The following NCKAP5L variants were observed in gnomAD, a reference collection of about 807,000 sequenced individuals.
The protein encoded by NCKAP5L is NCK associated protein 5 like.
Under a neutral mutation model 103.2 loss-of-function variants are expected in NCKAP5L, and 54 were observed. The ratio of observed to expected loss-of-function variants is 0.52; its 90% confidence interval spans 0.42 to 0.66. NCKAP5L has a LOEUF of 0.66. NCKAP5L is among the 30% of genes least tolerant of loss of function. The pLI is 0.00. For missense variants in NCKAP5L, 1,733 were observed against 1,750.6 expected, an observed-to-expected ratio of 0.99 and a Z score of 0.18; for synonymous variants, 762 against 748.6, an observed-to-expected ratio of 1.02 and a Z score of -0.29.
chr12:49,795,205 C>A lies in NCKAP5L; in HGVS notation c.2655G>T (p.Glu885Asp). The change falls in exon 8 of 13, where the codon GAG becomes GAT. Residue 885 changes from glutamate to aspartate, a missense_variant. By Grantham distance (45) the Glu-to-Asp change is conservative. Coordinates refer to ENST00000335999, the MANE Select transcript of NCKAP5L (RefSeq NM_001037806.4). ...EGLAPHSAIE[E>D]KVMKGIEENV... ...TCTCCTCAATGCCCTTCATCACCTTCTCCTCGATGGCTGAGTGTGGGGCCA... is the reference window on the plus strand; with the variant it reads ...TCTCCTCAATGCCCTTCATCACCTTATCCTCGATGGCTGAGTGTGGGGCCA... 1 of 1,580,400 alleles carries A rather than the reference C, an allele frequency of 6.3e-7. No homozygotes were observed. Among genetic ancestry groups the A allele is most frequent in the South Asian group, 1.2e-5 (1 of 86,428 alleles).
Position 49,792,078 on chromosome 12 carries a change from G to A in NCKAP5L, c.3793-27C>T. 2 of 1,496,340 alleles carry A rather than the reference G, an allele frequency of 1.3e-6. No homozygotes were observed. The highest frequency in any genetic ancestry group is 1.8e-6 in the Non-Finnish European group (2 of 1,127,316). 92.7% of individuals were successfully genotyped at this position (1,496,340 alleles called of 1,614,324 possible). A position where few individuals can be genotyped will look rare whatever the true frequency, so the allele number is the denominator to read the frequency against. ...TGGGAAAGGAGGGGCAGCTCGGGAG[G>A]AAGCTCCTCTCCACCTTTCGGCCCA... On this transcript the variant is annotated intron_variant, in intron 12 of 12. Transcript: ENST00000335999. The surrounding 1 kb of genome is among the most constrained non-coding windows in gnomAD (Gnocchi z 4.5).
intron 1 of NCKAP5L, among the ~76,000 whole-genome samples, chr12:49,806,755 G>C (rs553137516): frequency 2.0e-5 from 3 of 152,312 alleles, no homozygotes; most frequent in Non-Finnish European, 2.9e-5. Flanking sequence ...CAGCCCTAAG[G>C]CTCCCTGGAG....
chr12:49,793,431 C>G lies in NCKAP5L; in HGVS notation c.3261G>C (p.Pro1087=), dbSNP rs571674307. 2.8e-4 allele frequency: 449 copies of G among 1,609,498 alleles called. 10 individuals carry two copies. In the South Asian group the frequency reaches 4.8e-3, roughly 17 times the overall value. ...LQGCGKPPGK[P]SSEPGRREEM... ...CTTCCCGCCTCCCTGGCTCGCTGCT[C>G]GGCTGTGTGGGATACAGGAGACCTC... is the stretch of plus-strand genomic sequence containing the variant. The change falls in exon 10 of 13, where the codon CCG becomes CCC. Residue 1087 remains proline (P), a splice_region_variant and synonymous_variant. Transcript: ENST00000335999.
At position 49,793,424 on chromosome 12, in the gene NCKAP5L, C is replaced by A; in HGVS notation, c.3268G>T (p.Glu1090Ter). ...CGKPPGKPSSEPGRREEMPSE... is the reference protein window; with the variant it reads ...CGKPPGKPSS The stretch of plus-strand genomic sequence containing the variant: ...GGCATCTCTTCCCGCCTCCCTGGCT[C>A]GCTGCTCGGCTGTGTGGGATACAGG... The change falls in exon 10 of 13, where the codon GAG becomes TAG. Residue 1090 changes from glutamate (E) to a stop codon, truncating the protein, a stop_gained. Transcript: ENST00000335999. LOFTEE classifies it high-confidence loss of function. 6.2e-7 allele frequency: 1 copy of A among 1,609,528 alleles called. No individual in the cohort carries two copies.
At position 49,791,450 on chromosome 12, in the gene NCKAP5L, G is replaced by C. The variant is rs1272670077; in HGVS notation, c.*389C>G. 1 of 168,852 alleles carries C rather than the reference G, an allele frequency of 5.9e-6. No individual in the cohort carries two copies. The highest frequency in any genetic ancestry group is 2.4e-5 in the African/African-American group (1 of 42,094). 10.5% of individuals were successfully genotyped at this position (168,852 alleles called of 1,614,324 possible). Reference sequence around the variant, plus strand: ...GGGGGCCTCCAGGAGGGCCTCGCGAGGGCTTCGGGGCAGAGGAGCAGCCGG... The same window carrying C: ...GGGGGCCTCCAGGAGGGCCTCGCGACGGCTTCGGGGCAGAGGAGCAGCCGG... On this transcript the variant is annotated 3_prime_UTR_variant, in exon 13 of 13. Transcript: ENST00000335999.
At chr12:49,812,015 A>C (rs1044254812) in intron 1 of NCKAP5L, among the ~76,000 whole-genome samples, 6 of 152,114 alleles carry the variant, frequency 3.9e-5, no homozygotes, top group African/African-American at 1.4e-4. Flanking sequence ...CTCTGTGACC[A>C]CTTCCTCCTG....
rs955155562 is a variant in NCKAP5L at position 49,797,794 on chromosome 12, T to C, written c.466-400A>G. On this transcript the variant is annotated intron_variant, in intron 7 of 12. Coordinates refer to ENST00000335999, the MANE Select transcript of NCKAP5L (RefSeq NM_001037806.4). The surrounding 1 kb of genome is among the most constrained non-coding windows in gnomAD (Gnocchi z 4.5). The stretch of plus-strand genomic sequence containing the variant: ...ACACAGACTCCAGAAGGGAGTGTGA[T>C]GTGGCCAAGTCCTAAGTCAGTCACT... Among the ~76,000 whole-genome samples the C allele has an allele frequency of 6.6e-6, 1 of 152,140 alleles. No individual in the cohort carries two copies. The highest frequency in any genetic ancestry group is 2.4e-5 in the African/African-American group (1 of 41,432).
At position 49,801,858 on chromosome 12, in the gene NCKAP5L, G is replaced by A. The variant is rs748037918; in HGVS notation, c.341C>T (p.Ser114Leu). 1.1e-5 allele frequency: 17 copies of A among 1,613,862 alleles called. No homozygotes were observed. Among genetic ancestry groups the A allele is most frequent in the Non-Finnish European group, 1.2e-5 (14 of 1,179,886 alleles). ...AGCGCAGATGCCTACCTGAGGGAGC[G>A]AGCCTGTCGTGAGCTGGAGTTTCTG... Reference protein sequence around the residue: ...FQQKLQLTTGSLPQIPLTPLQ... With the variant: ...FQQKLQLTTGLLPQIPLTPLQ... The change falls in exon 6 of 13, where the codon TCG becomes TTG. Residue 114 changes from serine (S) to leucine (L), a missense_variant. Ser to Leu is a moderately radical substitution (Grantham distance 145, BLOSUM62 -2). Coordinates refer to ENST00000335999, the MANE Select transcript of NCKAP5L (RefSeq NM_001037806.4).
intron 2 of NCKAP5L, chr12:49,804,766 C>T (rs1592753902): frequency 6.6e-6 from 1 of 152,264 alleles, no homozygotes; most frequent in African/African-American, 2.4e-5. Flanking sequence ...TTCTTCCTCC[C>T]TTACAGGGTC....
At chr12:49,804,857 C>G (rs1295646374) in intron 2 of NCKAP5L, 1 of 152,278 alleles carries the variant, frequency 6.6e-6, no homozygotes, top group Non-Finnish European at 1.5e-5. Context: ...ACAGTTGAGC[C>G]TGGGGCCTGG....
intron 1 of NCKAP5L, among the ~76,000 whole-genome samples, chr12:49,816,495 C>CAAAAA (rs1163941989): frequency 0.24 from 11,647 of 49,016 alleles, 1,388 homozygotes; most frequent in Non-Finnish European, 0.29. Flanking sequence ...TCAACCCTCT[C>CAAAAA]AAAAAAAAAA....
chr12:49,796,003 T>C lies in NCKAP5L; in HGVS notation c.1857A>G (p.Gln619=), dbSNP rs1358859603. Residue 619 remains glutamine (Q), a synonymous_variant, in exon 8 of 13, where the codon CAA becomes CAG. Coordinates refer to ENST00000335999, the MANE Select transcript of NCKAP5L (RefSeq NM_001037806.4). ...LPESYPYGSP[Q]EKSLDKAGSE... is the part of the protein sequence containing the mutation. ...AGCCTGCCTTGTCCAAACTCTTCTC[T>C]TGGGGGCTCCCATAGGGGTACGATT... 4 of 1,541,078 alleles carry C rather than the reference T, an allele frequency of 2.6e-6. No homozygotes were observed. The highest frequency in any genetic ancestry group is 1.4e-5 in the African/African-American group (1 of 72,188).
Position 49,792,586 on chromosome 12 carries a change from G to A in NCKAP5L, c.3652C>T (p.Pro1218Ser). The A allele has an allele frequency of 6.2e-7, 1 of 1,613,840 alleles. No homozygotes were observed. Among genetic ancestry groups the A allele is most frequent in the Non-Finnish European group, 8.5e-7 (1 of 1,179,836 alleles). ...GGGGTGGGGCCTGGGTCTTCACAGGGATCTGTCCAGGAACAAAGGGAAGGT... is the reference window on the plus strand; with the variant it reads ...GGGGTGGGGCCTGGGTCTTCACAGGAATCTGTCCAGGAACAAAGGGAAGGT... ...HRGHETCPDD[P>S]CEDPGPTPPV... Residue 1218 changes from proline (P) to serine (S), a missense_variant and splice_region_variant, in exon 12 of 13, where the codon CCC becomes TCC. Pro to Ser is a moderately conservative substitution (Grantham distance 74, BLOSUM62 -1). Transcript: ENST00000335999. The surrounding 1 kb of genome is among the most constrained non-coding windows in gnomAD (Gnocchi z 4.5).
At position 49,803,809 on chromosome 12, in the gene NCKAP5L, G is replaced by T. The variant is rs1270833803; in HGVS notation, c.123+113C>A. On this transcript the variant is annotated intron_variant, in intron 3 of 12. Coordinates refer to ENST00000335999, the MANE Select transcript of NCKAP5L (RefSeq NM_001037806.4). Reference sequence around the variant, plus strand: ...AGCCTCCTGCCTGGCAAAGCAGGCCGAGAGGAAGGCCCATGGCACCCAAAA... The same window carrying T: ...AGCCTCCTGCCTGGCAAAGCAGGCCTAGAGGAAGGCCCATGGCACCCAAAA... 1.8e-5 allele frequency: 25 copies of T among 1,374,796 alleles called. 1 individual carries two copies. The South Asian group carries it at 3.3e-4, about 18-fold the overall frequency. The allele number at this position is 1,374,796 out of a possible 1,614,324, so 85.2% of individuals were successfully genotyped here. A position where few individuals can be genotyped will look rare whatever the true frequency, so the allele number is the denominator to read the frequency against.
intron 1 of NCKAP5L, among the ~76,000 whole-genome samples, chr12:49,807,750 C>T (rs1946196574): frequency 6.6e-6 from 1 of 152,238 alleles, no homozygotes; most frequent in African/African-American, 2.4e-5. Context: ...ACCCACAACT[C>T]TGGTCTCTGG....
rs910185849 is a variant in NCKAP5L, at chr12:49,794,934, C to G, written c.2926G>C (p.Glu976Gln). 5 of 1,566,552 alleles carry G rather than the reference C, an allele frequency of 3.2e-6. No homozygotes were observed. Among genetic ancestry groups the G allele is most frequent in the Non-Finnish European group, 4.3e-6 (5 of 1,157,080 alleles). Residue 976 changes from glutamate (E) to glutamine (Q), a missense_variant, in exon 8 of 13, where the codon GAA becomes CAA. Coordinates refer to ENST00000335999, the MANE Select transcript of NCKAP5L (RefSeq NM_001037806.4). ...TCTTCCAGTGCCCGACGCAGGTCTT[C>G]CGCCTTGGCCATCAGCTTGGAGATG... ...LNISKLMAKAEDLRRALEEEK... is the reference protein window; with the variant it reads ...LNISKLMAKAQDLRRALEEEK...
In NCKAP5L at chr12:49,801,843, C is replaced by T; in HGVS notation, c.351+5G>A. The T allele has an allele frequency of 6.2e-7, 1 of 1,613,862 alleles. No individual in the cohort carries two copies. Among genetic ancestry groups the T allele is most frequent in the Non-Finnish European group, 8.5e-7 (1 of 1,179,808 alleles). On this transcript the variant is annotated splice_donor_5th_base_variant and intron_variant, in intron 6 of 12. Transcript: ENST00000335999. ...GATGGGAGTGAAAGGAGCGCAGATGCCTACCTGAGGGAGCGAGCCTGTCGT... is the reference window on the plus strand; with the variant it reads ...GATGGGAGTGAAAGGAGCGCAGATGTCTACCTGAGGGAGCGAGCCTGTCGT...
At position 49,793,641 on chromosome 12, in the gene NCKAP5L, T is replaced by C. The variant is rs531106641; in HGVS notation, c.3258+93A>G. ...AGACTGTGAGTGCATCCGGCACTCA[T>C]GGTCTTGGGGAAGGGGAACCCTCTA... is the stretch of plus-strand genomic sequence containing the variant. On this transcript the variant is annotated intron_variant, in intron 9 of 12. Transcript: ENST00000335999. 2.9e-5 allele frequency: 42 copies of C among 1,426,096 alleles called. No individual in the cohort carries two copies. In the Admixed American group the frequency reaches 9.4e-4, roughly 32 times the overall value. 88.3% of individuals were successfully genotyped at this position (1,426,096 alleles called of 1,614,324 possible).
chr12:49,827,955 G>T (rs1946439249), intron 1 of NCKAP5L, among the ~76,000 whole-genome samples: 1 of 152,242 alleles, frequency 6.6e-6, no homozygotes, highest in Non-Finnish European at 1.5e-5. Flanking sequence ...ATGCGGGTTG[G>T]GTGGGGTGAG....
Sources: allele counts gnomAD v4.1 joint callset (sites outside exome capture counted in the v4.1 genomes callset), GRCh38; gene constraint gnomAD v4.1.1; non-coding constraint Gnocchi (gnomAD v3.1); transcripts MANE v1.5; gene names NCBI Gene and HGNC (gene_info 2026-07-23, HGNC 2026-07-21).